Variants in SPMIP4 observed in about 807,000 individuals in gnomAD.
SPMIP4 encodes sperm microtubule inner protein 4.
the SPMIP4 span, among the ~76,000 whole-genome samples, chr7:25,174,249 T>C: frequency 3.3e-5 from 5 of 151,964 alleles, no homozygotes; most frequent in African/African-American, 1.2e-4. This position sits in a 1 kb window ranked among gnomAD's most constrained non-coding sequence, Gnocchi z 4.5. Context: ...TCTCTCACTG[T>C]CTCTCTCACT....
At chr7:25,151,618 G>C in the SPMIP4 span, 1 of 1,608,034 alleles carries the variant, frequency 6.2e-7, no homozygotes, top group South Asian at 1.1e-5. Flanking sequence ...ACCTTGACCT[G>C]GCCAAGTCAG....
chr7:25,157,907 G>A, the SPMIP4 span, among the ~76,000 whole-genome samples: 11,928 of 152,184 alleles, frequency 0.078, 613 homozygotes, highest in African/African-American at 0.14. Flanking sequence ...GGGAAGCTGC[G>A]TGTGATGTAT....
chr7:25,169,420 T>A, the SPMIP4 span, among the ~76,000 whole-genome samples: 4 of 152,270 alleles, frequency 2.6e-5, no homozygotes, highest in Admixed American at 2.6e-4. Flanking sequence ...ATTATACTAA[T>A]CTACTTTCTG....
the SPMIP4 span, among the ~76,000 whole-genome samples, chr7:25,147,738 GTAA>G: frequency 6.6e-6 from 1 of 152,084 alleles, no homozygotes; most frequent in African/African-American, 2.4e-5. Context: ...TATAACCATT[GTAA>G]TAATAATACC....
the SPMIP4 span, among the ~76,000 whole-genome samples, chr7:25,126,560 GA>G: frequency 6.6e-6 from 1 of 152,062 alleles, no homozygotes; most frequent in Non-Finnish European, 1.5e-5. Context: ...AGAAAACTAA[GA>G]AAAACTCTGC....
chr7:25,172,504 T>C, the SPMIP4 span, among the ~76,000 whole-genome samples: 2 of 152,208 alleles, frequency 1.3e-5, no homozygotes, highest in Non-Finnish European at 2.9e-5. The surrounding 1 kb of genome is among the most constrained non-coding windows in gnomAD (Gnocchi z 4.2). Flanking sequence ...GTGACTCTCC[T>C]TCCTGATCCC....
At chr7:25,144,494 C>T in the SPMIP4 span, among the ~76,000 whole-genome samples, 1 of 152,202 alleles carries the variant, frequency 6.6e-6, no homozygotes, top group African/African-American at 2.4e-5. Context: ...ACTCCTTTGG[C>T]CATGAGGTAT....
the SPMIP4 span, among the ~76,000 whole-genome samples, chr7:25,174,940 A>C: frequency 6.6e-6 from 1 of 152,222 alleles, no homozygotes; most frequent in African/African-American, 2.4e-5. This position sits in a 1 kb window ranked among gnomAD's most constrained non-coding sequence, Gnocchi z 4.5. Context: ...TAATTGTCCC[A>C]AAAAATCCAC....
At chr7:25,158,076 CAT>C in the SPMIP4 span, among the ~76,000 whole-genome samples, 70 of 152,258 alleles carry the variant, frequency 4.6e-4, no homozygotes, top group East Asian at 0.012. Flanking sequence ...ACTGTTAAGA[CAT>C]AGTTTTCAGG....
the SPMIP4 span, among the ~76,000 whole-genome samples, chr7:25,173,214 C>A: frequency 6.6e-6 from 1 of 152,088 alleles, no homozygotes; most frequent in African/African-American, 2.4e-5. This position sits in a 1 kb window ranked among gnomAD's most constrained non-coding sequence, Gnocchi z 4.4. Context: ...TAACATAACC[C>A]CTCCTCCCCC....
the SPMIP4 span, chr7:25,134,903 A>C: frequency 2.0e-6 from 2 of 985,424 alleles, no homozygotes. Context: ...CACCATGTAA[A>C]CTTTTACTTC....
chr7:25,126,698 T>C, the SPMIP4 span, among the ~76,000 whole-genome samples: 11 of 152,258 alleles, frequency 7.2e-5, no homozygotes, highest in Admixed American at 1.3e-4. Context: ...TAAGTCTTTC[T>C]ACTCAAGATA....
At chr7:25,165,166 G>A in the SPMIP4 span, among the ~76,000 whole-genome samples, 3 of 152,226 alleles carry the variant, frequency 2.0e-5, no homozygotes, top group African/African-American at 7.2e-5. Flanking sequence ...TCATGACCAG[G>A]TGTGGGAATG....
the SPMIP4 span, chr7:25,136,335 G>C: frequency 3.1e-6 from 5 of 1,614,016 alleles, no homozygotes; most frequent in African/African-American, 6.7e-5. The surrounding 1 kb of genome is among the most constrained non-coding windows in gnomAD (Gnocchi z 5.7). Context: ...GATCACGTAG[G>C]GGAGATTTAA....
the SPMIP4 span, among the ~76,000 whole-genome samples, chr7:25,163,990 T>C: frequency 3.5e-3 from 527 of 152,358 alleles, 14 homozygotes; most frequent in Admixed American, 0.033. The surrounding 1 kb of genome is among the most constrained non-coding windows in gnomAD (Gnocchi z 4.4). Context: ...ACCGTATTGA[T>C]AGAATGTTAG....
the SPMIP4 span, among the ~76,000 whole-genome samples, chr7:25,151,048 T>C: frequency 1.3e-5 from 2 of 152,144 alleles, no homozygotes; most frequent in African/African-American, 4.8e-5. Flanking sequence ...GAACACAGTG[T>C]GAGAAATGCA....
chr7:25,173,218 C>T, the SPMIP4 span, among the ~76,000 whole-genome samples: 5 of 152,146 alleles, frequency 3.3e-5, no homozygotes, highest in Admixed American at 3.3e-4. This position sits in a 1 kb window ranked among gnomAD's most constrained non-coding sequence, Gnocchi z 4.4. Context: ...ATAACCCCTC[C>T]TCCCCCACCT....
the SPMIP4 span, chr7:25,155,089 T>C: frequency 6.2e-7 from 1 of 1,614,100 alleles, no homozygotes; most frequent in Non-Finnish European, 8.5e-7. Flanking sequence ...CGGGCTTTAA[T>C]GCCCGTGTAG....
the SPMIP4 span, chr7:25,155,330 G>C: frequency 5.0e-6 from 3 of 598,890 alleles, no homozygotes; most frequent in Non-Finnish European, 8.2e-6. Flanking sequence ...AGGACAGTGA[G>C]TCAATGTCCC....
Sources: gnomAD v4.1 joint callset for allele counts (sites outside exome capture counted in the v4.1 genomes callset) on GRCh38, gnomAD v4.1.1 for gene constraint, Gnocchi (gnomAD v3.1) non-coding constraint, MANE v1.5 for transcripts, NCBI Gene and HGNC (gene_info 2026-07-23, HGNC 2026-07-21) for gene names.